The following DLC1 variants were observed in gnomAD, a reference collection of about 807,000 sequenced individuals.
The protein encoded by DLC1 is DLC1 Rho GTPase activating protein.
A neutral mutation model predicts 140.3 loss-of-function variants in DLC1; 54 were observed. That is an observed-to-expected ratio of 0.38 (90% confidence interval 0.31 to 0.48). The LOEUF (loss-of-function observed/expected upper bound fraction) is 0.48. Ranked by LOEUF, DLC1 falls within the 20% of genes least tolerant of loss-of-function variation. The pLI is 0.96. For synonymous variants in DLC1, 986 were observed against 728.1 expected (o/e 1.35, Z -5.70); for missense variants, 2,536 against 1,907.0 (o/e 1.33, Z -6.14).
intron 1 of DLC1, among the ~76,000 whole-genome samples, chr8:13,513,160 C>A (rs376212570): frequency 2.6e-5 from 4 of 151,950 alleles, no homozygotes; most frequent in African/African-American, 7.2e-5. Flanking sequence ...AGAGGTGTGA[C>A]CTTGGACAGG....
In DLC1 at chr8:13,151,665, T is replaced by C. The variant is rs59173110; in HGVS notation, c.1349-36008A>G. Among the ~76,000 whole-genome samples the C allele has an allele frequency of 5.3e-5, 8 of 152,332 alleles. No individual in the cohort carries two copies. The East Asian group carries it at 1.3e-3, about 26-fold the overall frequency. ...GCTACCTTGATTGCCATCCAGAAACTAAAGAAGTTGACCCCAGCCTACTCT... is the reference window on the plus strand; with the variant it reads ...GCTACCTTGATTGCCATCCAGAAACCAAAGAAGTTGACCCCAGCCTACTCT... On this transcript the variant is annotated intron_variant, in intron 5 of 17. Transcript: ENST00000276297.
chr8:13,344,423 G>A (rs986959429), intron 4 of DLC1, among the ~76,000 whole-genome samples: 7 of 152,220 alleles, frequency 4.6e-5, no homozygotes, highest in Non-Finnish European at 7.3e-5. Context: ...AACCCGGGAG[G>A]TGGAGGTTGC....
chr8:13,516,599 C>G (rs1299545229), upstream of DLC1, among the ~76,000 whole-genome samples: 1 of 152,084 alleles, frequency 6.6e-6, no homozygotes, highest in Non-Finnish European at 1.5e-5. Context: ...GAGAAGTAGT[C>G]AAATAAAAAC....
At chr8:13,447,044 T>A (rs773587315) in intron 2 of DLC1, among the ~76,000 whole-genome samples, 4 of 152,176 alleles carry the variant, frequency 2.6e-5, no homozygotes, top group Admixed American at 1.3e-4. Context: ...TCAATTCTTA[T>A]GTTTCTTGTG....
chr8:13,503,547 C>A (rs948606211), intron 1 of DLC1, among the ~76,000 whole-genome samples: 1 of 152,118 alleles, frequency 6.6e-6, no homozygotes, highest in Non-Finnish European at 1.5e-5. Context: ...TATAATTTGG[C>A]CTGCCAATTG....
At chr8:13,525,326 T>C (rs1250201803) in intron 1 of DLC1, among the ~76,000 whole-genome samples, 5 of 152,236 alleles carry the variant, frequency 3.3e-5, no homozygotes, top group Non-Finnish European at 5.9e-5. Context: ...TCATTGTATG[T>C]ATACATTCTT....
At chr8:13,404,076 T>C (rs1246852297) in intron 2 of DLC1, among the ~76,000 whole-genome samples, 3 of 152,124 alleles carry the variant, frequency 2.0e-5, no homozygotes, top group African/African-American at 7.2e-5. Flanking sequence ...GAAGTCTAAA[T>C]TGAACACATA....
At chr8:13,215,157 T>C (rs1828134546) in intron 5 of DLC1, among the ~76,000 whole-genome samples, 1 of 152,140 alleles carries the variant, frequency 6.6e-6, no homozygotes, top group South Asian at 2.1e-4. Flanking sequence ...CTTTCTACAT[T>C]CTCTATATCC....
chr8:13,256,543 A>T (rs1183954051), intron 5 of DLC1, among the ~76,000 whole-genome samples: 1 of 152,218 alleles, frequency 6.6e-6, no homozygotes, highest in Non-Finnish European at 1.5e-5. Flanking sequence ...CTATGCAGCC[A>T]TAAAAAGGAA....
chr8:13,226,069 C>A (rs2117178819), intron 5 of DLC1, among the ~76,000 whole-genome samples: 1 of 152,188 alleles, frequency 6.6e-6, no homozygotes, highest in Admixed American at 6.5e-5. Flanking sequence ...CATGTCGCCA[C>A]ACTTGGCTAC....
At chr8:13,540,500 G>T (rs1803446450) in intron 1 of DLC1, among the ~76,000 whole-genome samples, 1 of 152,136 alleles carries the variant, frequency 6.6e-6, no homozygotes, top group Admixed American at 6.5e-5. Flanking sequence ...CCCCCACTCA[G>T]AATTCCAGTT....
At chr8:13,162,371 G>A (rs538180088) in intron 5 of DLC1, among the ~76,000 whole-genome samples, 1 of 152,270 alleles carries the variant, frequency 6.6e-6, no homozygotes, top group African/African-American at 2.4e-5. Context: ...AGCCCAGGCT[G>A]GAGAATAATG....
At chr8:13,487,776 T>C (rs912319798) in intron 2 of DLC1, among the ~76,000 whole-genome samples, 1 of 152,116 alleles carries the variant, frequency 6.6e-6, no homozygotes, top group African/African-American at 2.4e-5. Flanking sequence ...TTTCACCATC[T>C]TGGCCAGGCT....
At chr8:13,296,238 G>A (rs1831948838) in intron 5 of DLC1, among the ~76,000 whole-genome samples, 1 of 152,076 alleles carries the variant, frequency 6.6e-6, no homozygotes, top group African/African-American at 2.4e-5. Flanking sequence ...TTACAGTCGT[G>A]AGCCACCATG....
intron 1 of DLC1, among the ~76,000 whole-genome samples, chr8:13,532,636 G>A (rs972905689): frequency 6.6e-6 from 1 of 152,106 alleles, no homozygotes; most frequent in Non-Finnish European, 1.5e-5. Flanking sequence ...CATAAGGCTG[G>A]TGTGCAGTGG....
chr8:13,332,938 A>C (rs1050674714), intron 4 of DLC1, among the ~76,000 whole-genome samples: 1 of 152,134 alleles, frequency 6.6e-6, no homozygotes, highest in African/African-American at 2.4e-5. Flanking sequence ...TCTCCTGCCC[A>C]AAGGTTTAAA....
At chr8:13,323,090 C>CT (rs1833190668) in intron 4 of DLC1, among the ~76,000 whole-genome samples, 1 of 152,196 alleles carries the variant, frequency 6.6e-6, no homozygotes, top group Non-Finnish European at 1.5e-5. Context: ...GTGGAAAACC[C>CT]TATGACATAG....
At chr8:13,263,221 T>C (rs1830536439) in intron 5 of DLC1, among the ~76,000 whole-genome samples, 2 of 152,086 alleles carry the variant, frequency 1.3e-5, no homozygotes, top group South Asian at 2.1e-4. Context: ...AGGGAGGAAA[T>C]ATTGTGTTAG....
chr8:13,380,457 C>A (rs765426276), intron 4 of DLC1, among the ~76,000 whole-genome samples: 2 of 152,158 alleles, frequency 1.3e-5, no homozygotes, highest in Non-Finnish European at 2.9e-5. Flanking sequence ...CTTCCTCCAC[C>A]TTTTTGTGGA....
Sources: allele counts gnomAD v4.1 joint callset (sites outside exome capture counted in the v4.1 genomes callset), GRCh38; gene constraint gnomAD v4.1.1; transcripts MANE v1.5; gene names NCBI Gene and HGNC (gene_info 2026-07-23, HGNC 2026-07-21).